UGGT2: variants seen among roughly 807,000 people sequenced by gnomAD.
UGGT2 encodes UDP-glucose:glycoprotein glucosyltransferase 2.
In UGGT2, 180 loss-of-function variants were observed where a neutral mutation model predicts 192.1. The ratio of observed to expected loss-of-function variants is 0.94; its 90% CI spans 0.83 to 1.06. The LOEUF (loss-of-function observed/expected upper bound fraction) is 1.06, where lower values mean the gene tolerates loss of function less well. Among genes scored for constraint, UGGT2 ranks in the 50% least tolerant of loss-of-function variants. The pLI is 0.00. For synonymous variants in UGGT2, 580 were observed against 591.0 expected (o/e 0.98, Z 0.27); for missense variants, 1,849 against 1,795.7 (o/e 1.03, Z -0.54).
At chr13:95,868,567 G>C (rs1323281933) in intron 29 of UGGT2, among the ~76,000 whole-genome samples, 1 of 152,076 alleles carries the variant, frequency 6.6e-6, no homozygotes, top group Non-Finnish European at 1.5e-5. Flanking sequence ...TTGTGCTATT[G>C]CACTTCCGTC....
chr13:95,854,263 C>A, intron 35 of UGGT2, 52 bp downstream of exon 35: 1 of 1,521,414 alleles, frequency 6.6e-7, no homozygotes. Flanking sequence ...CTGAAAGTTG[C>A]AATTCAATAC....
At chr13:95,922,263 GAC>G (rs1169674734) in intron 20 of UGGT2, among the ~76,000 whole-genome samples, 1 of 152,156 alleles carries the variant, frequency 6.6e-6, no homozygotes, top group Non-Finnish European at 1.5e-5. Flanking sequence ...GATACTCAGG[GAC>G]ACAAATATGG....
intron 2 of UGGT2, among the ~76,000 whole-genome samples, chr13:96,029,875 T>C (rs527925689): frequency 6.6e-6 from 1 of 152,144 alleles, no homozygotes; most frequent in Non-Finnish European, 1.5e-5. Flanking sequence ...GAACAACATA[T>C]ATGGGACAGA....
chr13:95,877,166 G>T, intron 29 of UGGT2, 113 bp downstream of exon 29: 1 of 868,532 alleles, frequency 1.2e-6, no homozygotes, highest in Non-Finnish European at 1.7e-6. Flanking sequence ...ACAGGCTTGA[G>T]CCACTGCGCC....
intron 29 of UGGT2, among the ~76,000 whole-genome samples, chr13:95,872,721 A>T (rs557051961): frequency 6.6e-6 from 1 of 152,338 alleles, no homozygotes; most frequent in African/African-American, 2.4e-5. Context: ...AACAATTTTC[A>T]CTAATATGTT....
At chr13:95,955,262 G>A (rs2050179145) in intron 12 of UGGT2, among the ~76,000 whole-genome samples, 1 of 152,204 alleles carries the variant, frequency 6.6e-6, no homozygotes, top group Admixed American at 6.5e-5. Context: ...TAAAGTCTGT[G>A]TCCACCAGGC....
At chr13:95,831,222 C>T (rs1303996459) in intron 38 of UGGT2, among the ~76,000 whole-genome samples, 2 of 152,016 alleles carry the variant, frequency 1.3e-5, no homozygotes, top group African/African-American at 4.8e-5. Context: ...CACATGTATA[C>T]ATATGTAACA....
In UGGT2 at chr13:95,911,774, C is replaced by A. The variant is rs181984881; in HGVS notation, c.2296-8714G>T. On this transcript the variant is annotated intron_variant, in intron 20 of 38. Coordinates refer to ENST00000376747, the MANE Select transcript of UGGT2 (RefSeq NM_020121.4). ...TCCTGACACCAAAGCCTGGCAGAAA[C>A]ACAACAAAAAAAAGAGAATTTTAGA... Among the ~76,000 whole-genome samples, 6 of 152,132 alleles carry A rather than the reference C, an allele frequency of 3.9e-5. No homozygotes were observed. In the East Asian group the frequency reaches 1.2e-3, roughly 29 times the overall value.
intron 22 of UGGT2, among the ~76,000 whole-genome samples, chr13:95,899,129 A>G (rs943873623): frequency 6.6e-5 from 10 of 152,194 alleles, no homozygotes; most frequent in African/African-American, 2.4e-4. Context: ...TCCACCATGT[A>G]AAAACAGAGC....
chr13:95,815,323 T>C (rs1292087891), intron 38 of UGGT2, among the ~76,000 whole-genome samples: 1 of 152,214 alleles, frequency 6.6e-6, no homozygotes, highest in African/African-American at 2.4e-5. Context: ...TCCTGTGAAC[T>C]CTACAACTAT....
At chr13:95,862,690 C>T (rs1566604988) in intron 31 of UGGT2, among the ~76,000 whole-genome samples, 1 of 152,124 alleles carries the variant, frequency 6.6e-6, no homozygotes, top group Non-Finnish European at 1.5e-5. Flanking sequence ...GAGGCAACTT[C>T]CTTCCACTGG....
intron 10 of UGGT2, among the ~76,000 whole-genome samples, chr13:95,976,195 G>A (rs1273819263): frequency 6.6e-6 from 1 of 152,102 alleles, no homozygotes; most frequent in African/African-American, 2.4e-5. Context: ...ATGTCTTTCT[G>A]TGTATGGCTT....
intron 9 of UGGT2, 136 bp downstream of exon 9, chr13:95,986,197 A>G: frequency 1.7e-6 from 1 of 581,922 alleles, no homozygotes; most frequent in Non-Finnish European, 2.9e-6. Context: ...ATATATTGAA[A>G]AGGCCCTGAT....
intron 29 of UGGT2, among the ~76,000 whole-genome samples, chr13:95,869,430 A>G (rs1439298605): frequency 6.7e-6 from 1 of 148,934 alleles, no homozygotes; most frequent in East Asian, 1.9e-4. Context: ...GTCAAACGGT[A>G]TTTCTAGTTC....
intron 31 of UGGT2, 140 bp from the exon 32 acceptor site, chr13:95,861,023 A>C: frequency 2.4e-6 from 1 of 412,688 alleles, no homozygotes; most frequent in Non-Finnish European, 4.3e-6. Flanking sequence ...TTTACAAACT[A>C]ATATTAAAAT....
chr13:95,959,714 C>A (rs963913626), intron 12 of UGGT2, among the ~76,000 whole-genome samples: 1 of 152,182 alleles, frequency 6.6e-6, no homozygotes, highest in African/African-American at 2.4e-5. Flanking sequence ...CCACTTACTG[C>A]CATTGCCCGT....
chr13:95,949,486 A>T, intron 12 of UGGT2, 32 bp from the exon 13 acceptor site: 1 of 1,407,888 alleles, frequency 7.1e-7, no homozygotes, highest in Non-Finnish European at 9.3e-7. Context: ...TGTGAAAGCT[A>T]TATTAACACT....
intron 12 of UGGT2, among the ~76,000 whole-genome samples, chr13:95,967,460 C>G (rs1331048201): frequency 7.2e-6 from 1 of 138,878 alleles, no homozygotes; most frequent in Non-Finnish European, 1.5e-5. Flanking sequence ...CCCCCACGCG[C>G]ACCCCCAACT....
At chr13:96,021,076 T>C (rs755417797) in intron 4 of UGGT2, among the ~76,000 whole-genome samples, 23 of 152,222 alleles carry the variant, frequency 1.5e-4, no homozygotes, top group African/African-American at 4.1e-4. Flanking sequence ...GGGGAAGCAC[T>C]GTTTTATAGT....
Sources: allele counts gnomAD v4.1 joint callset (sites outside exome capture counted in the v4.1 genomes callset), GRCh38; gene constraint gnomAD v4.1.1; transcripts MANE v1.5; gene names NCBI Gene and HGNC (gene_info 2026-07-23, HGNC 2026-07-21).